The following PPP2R1B variants were observed in gnomAD, a reference collection of about 807,000 sequenced individuals.
PPP2R1B encodes protein phosphatase 2 scaffold subunit Abeta.
PPP2R1B carries 58 observed loss-of-function variants against 72.7 expected under a neutral mutation model. That is an observed-to-expected ratio of 0.80 (90% CI 0.65 to 0.99). PPP2R1B has a LOEUF of 0.99. Among genes scored for constraint, PPP2R1B ranks in the 50% least tolerant of loss-of-function variants. The pLI is 0.00. For synonymous variants in PPP2R1B, 256 were observed against 264.6 expected, an observed-to-expected ratio of 0.97 and a Z score of 0.32; for missense variants, 695 against 733.6, an observed-to-expected ratio of 0.95 and a Z score of 0.61.
chr11:111,754,473 G>T, intron 8 of PPP2R1B, 26 bp downstream of exon 8: 1 of 1,585,930 alleles, frequency 6.3e-7, no homozygotes. Flanking sequence ...ATAAAAGAGA[G>T]TGAAACAAAA....
chr11:111,696,174 G>C, the PPP2R1B span, among the ~76,000 whole-genome samples: 3 of 152,298 alleles, frequency 2.0e-5, no homozygotes, highest in Middle Eastern at 3.4e-3. Context: ...CCAGGTGAGA[G>C]AATATGAATA....
At chr11:111,749,553 G>A (rs1944826218) in intron 10 of PPP2R1B, among the ~76,000 whole-genome samples, 1 of 152,112 alleles carries the variant, frequency 6.6e-6, no homozygotes, top group Admixed American at 6.5e-5. Context: ...CCAAAGTGCT[G>A]GGATTACAAG....
Position 111,737,964 on chromosome 11 carries a change from G to A in PPP2R1B, c.*3632C>T, listed in dbSNP as rs1248825980. On this transcript the variant is annotated 3_prime_UTR_variant, in exon 15 of 15. Transcript: ENST00000527614. ...CGCAATGAGTAATTAAACTCTATTC[G>A]TCCTCCGGAAGATTTCCATCCCAAC... The A allele has an allele frequency of 1.9e-5, 19 of 1,020,292 alleles. No homozygotes were observed. The highest frequency in any genetic ancestry group is 1.0e-4 in the Admixed American group (2 of 19,704). The allele number at this position is 1,020,292 out of a possible 1,614,324, so 63.2% of individuals were successfully genotyped here.
At chr11:111,757,920 C>G (rs1318162453) in intron 5 of PPP2R1B, among the ~76,000 whole-genome samples, 2 of 151,984 alleles carry the variant, frequency 1.3e-5, no homozygotes, top group Admixed American at 6.6e-5. Context: ...TTTTCTCTAT[C>G]TTAACGATGA....
At chr11:111,726,903 C>T (rs894647378), downstream of PPP2R1B, 99 of 1,538,394 alleles carry the variant, frequency 6.4e-5, no homozygotes, top group African/African-American at 9.6e-5. Flanking sequence ...AAATTTCGTT[C>T]GGCAAAAAGT....
the PPP2R1B span, among the ~76,000 whole-genome samples, chr11:111,721,614 T>C: frequency 6.6e-6 from 1 of 152,224 alleles, no homozygotes; most frequent in Non-Finnish European, 1.5e-5. Context: ...TTTGCTCTAG[T>C]ACTGACTAGG....
chr11:111,755,155 C>T, intron 6 of PPP2R1B, 61 bp from the exon 7 acceptor site: 1 of 1,540,334 alleles, frequency 6.5e-7, no homozygotes, highest in Non-Finnish European at 8.9e-7. Context: ...AAGAACAAAA[C>T]AAAATTGTGC....
the PPP2R1B span, chr11:111,701,588 T>C: frequency 1.9e-6 from 3 of 1,613,166 alleles, no homozygotes; most frequent in African/African-American, 4.0e-5. The surrounding 1 kb of genome is among the most constrained non-coding windows in gnomAD (Gnocchi z 4.2). Context: ...AATCAACTTT[T>C]CATCTTATTA....
chr11:111,688,339 G>A, the PPP2R1B span, among the ~76,000 whole-genome samples: 1 of 152,206 alleles, frequency 6.6e-6, no homozygotes, highest in Non-Finnish European at 1.5e-5. The surrounding 1 kb of genome is among the most constrained non-coding windows in gnomAD (Gnocchi z 4.2). Context: ...AAGGGAATGA[G>A]TTCATTATTA....
At chr11:111,754,405 CAA>C (rs1945023327) in intron 8 of PPP2R1B, 92 bp downstream of exon 8, 1 of 1,473,548 alleles carries the variant, frequency 6.8e-7, no homozygotes, top group East Asian at 2.5e-5. Context: ...CCTTTAAACT[CAA>C]AGAGCTTTAA....
At chr11:111,752,401 G>A in intron 9 of PPP2R1B, 69 bp from the exon 10 acceptor site, 3 of 1,440,696 alleles carry the variant, frequency 2.1e-6, no homozygotes, top group South Asian at 1.5e-5. Context: ...TCTCCTGTCA[G>A]GGTAAGATAA....
chr11:111,761,305 A>T, intron 3 of PPP2R1B: 1 of 605,690 alleles, frequency 1.7e-6, no homozygotes, highest in Non-Finnish European at 3.1e-6. Flanking sequence ...CAAATGACAC[A>T]GTGTAAAAGA....
the PPP2R1B span, among the ~76,000 whole-genome samples, chr11:111,711,204 C>A: frequency 1.3e-5 from 2 of 151,796 alleles, no homozygotes; most frequent in Non-Finnish European, 2.9e-5. Flanking sequence ...CTGCAAGCTC[C>A]GCCTCCCGGG....
At chr11:111,705,143 A>G in the PPP2R1B span, 4 of 1,560,256 alleles carry the variant, frequency 2.6e-6, no homozygotes, top group Admixed American at 6.6e-5. The surrounding 1 kb of genome is among the most constrained non-coding windows in gnomAD (Gnocchi z 4.3). Flanking sequence ...TGCCAAGGTA[A>G]TGCCCCCTTA....
At chr11:111,718,789 T>TA in the PPP2R1B span, 1 of 152,230 alleles carries the variant, frequency 6.6e-6, no homozygotes, top group Non-Finnish European at 1.5e-5. Context: ...ACTCAGCGTC[T>TA]TATGACTGGC....
At chr11:111,721,005 C>A in the PPP2R1B span, 45 of 1,614,070 alleles carry the variant, frequency 2.8e-5, no homozygotes, top group Non-Finnish European at 3.5e-5. Context: ...CGGAGGCAGA[C>A]CCTAACCTGG....
At chr11:111,731,573 G>A (rs1944194975) in intron 15 of PPP2R1B, among the ~76,000 whole-genome samples, 1 of 152,222 alleles carries the variant, frequency 6.6e-6, no homozygotes, top group Non-Finnish European at 1.5e-5. Flanking sequence ...CTGAAATTTG[G>A]TTTCACTCAA....
chr11:111,749,203 C>A (rs1413482596), intron 10 of PPP2R1B, among the ~76,000 whole-genome samples: 1 of 152,104 alleles, frequency 6.6e-6, no homozygotes, highest in Admixed American at 6.5e-5. Flanking sequence ...ACTTAGATTA[C>A]GTCAGCCAAG....
At chr11:111,713,363 C>T in the PPP2R1B span, among the ~76,000 whole-genome samples, 6 of 152,022 alleles carry the variant, frequency 3.9e-5, no homozygotes, top group Non-Finnish European at 7.4e-5. Flanking sequence ...GGTCTTGGAG[C>T]GTGTTCAAAA....
Sources: gnomAD v4.1 joint callset for allele counts (sites outside exome capture counted in the v4.1 genomes callset) on GRCh38, gnomAD v4.1.1 for gene constraint, Gnocchi (gnomAD v3.1) non-coding constraint, MANE v1.5 for transcripts, NCBI Gene and HGNC (gene_info 2026-07-23, HGNC 2026-07-21) for gene names.